Variants in AKAP6 observed in about 807,000 individuals in gnomAD.
AKAP6 encodes A-kinase anchoring protein 6.
A neutral mutation model predicts 188.5 loss-of-function variants in AKAP6; 58 were observed. That is an observed-to-expected ratio of 0.31 (90% CI 0.25 to 0.38). AKAP6 has a LOEUF of 0.38. Among genes scored for constraint, AKAP6 ranks in the 10% least tolerant of loss-of-function variants. The pLI is 1.00. For missense variants in AKAP6, 2,710 were observed against 2,740.0 expected (o/e 0.99, Z 0.24); for synonymous variants, 989 against 998.6 (o/e 0.99, Z 0.18).
chr14:32,422,778 C>CA (rs200198843), intron 1 of AKAP6, among the ~76,000 whole-genome samples: 6 of 152,144 alleles, frequency 3.9e-5, no homozygotes, highest in African/African-American at 1.4e-4. Flanking sequence ...TGGGAAATGC[C>CA]AGCTCCTGGG....
chr14:32,724,354 C>T lies in AKAP6; in HGVS notation c.3001-8100C>T, dbSNP rs183255080. ...TCAACAGGTATTCAGTAAAACTCTC[C>T]GTGCTTCTAAATGATTGCATCCATC... On this transcript the variant is annotated intron_variant, in intron 9 of 13. Coordinates refer to ENST00000280979, the MANE Select transcript of AKAP6 (RefSeq NM_004274.5). 5.5e-4 allele frequency among the ~76,000 whole-genome samples: 83 copies of T among 152,244 alleles called. 1 individual carries two copies. The Middle Eastern group carries it at 0.01, about 19-fold the overall frequency.
At chr14:32,785,899 TA>T (rs200367064) in intron 12 of AKAP6, among the ~76,000 whole-genome samples, 3 of 151,528 alleles carry the variant, frequency 2.0e-5, no homozygotes, top group East Asian at 1.9e-4. Flanking sequence ...GAATGTGATT[TA>T]AAAAAAAACT....
chr14:32,651,343 G>A (rs570060793), intron 7 of AKAP6, among the ~76,000 whole-genome samples: 30 of 152,130 alleles, frequency 2.0e-4, no homozygotes, highest in Non-Finnish European at 3.4e-4. Context: ...TTGTTTGACC[G>A]GCTCTTTGTC....
intron 7 of AKAP6, among the ~76,000 whole-genome samples, chr14:32,624,312 C>T (rs542743816): frequency 5.9e-5 from 9 of 152,102 alleles, no homozygotes; most frequent in Non-Finnish European, 8.8e-5. Flanking sequence ...TTTCTTAAAA[C>T]ATATGACATT....
chr14:32,636,362 G>T (rs191140185), intron 7 of AKAP6, among the ~76,000 whole-genome samples: 1 of 152,194 alleles, frequency 6.6e-6, no homozygotes, highest in East Asian at 1.9e-4. Context: ...ATTTCCTTAG[G>T]TGTATGATAG....
At chr14:32,349,693 G>A (rs565699402) in intron 1 of AKAP6, among the ~76,000 whole-genome samples, 2 of 152,124 alleles carry the variant, frequency 1.3e-5, no homozygotes, top group East Asian at 1.9e-4. Flanking sequence ...ACACTAACTC[G>A]AAGCTTCAAC....
At chr14:32,704,950 AAGGTACCT>A (rs1166835726) in intron 9 of AKAP6, among the ~76,000 whole-genome samples, 1 of 152,206 alleles carries the variant, frequency 6.6e-6, no homozygotes, top group Non-Finnish European at 1.5e-5. Flanking sequence ...GTGGGGCTAA[AAGGTACCT>A]AGGTAACGTT....
intron 13 of AKAP6, 99 bp downstream of exon 13, chr14:32,824,914 GCAGA>G (rs2034637441): frequency 2.2e-6 from 2 of 901,228 alleles, no homozygotes; most frequent in Non-Finnish European, 3.3e-6. Flanking sequence ...ACCAGTTACG[GCAGA>G]CAGTTATCTG....
rs144395387 is a variant in AKAP6 at position 32,433,577 on chromosome 14, C to A, written c.84C>A (p.Ile28=). The change falls in exon 2 of 14, where the codon ATC becomes ATA. Residue 28 remains isoleucine (I), a synonymous_variant. Coordinates refer to ENST00000280979, the MANE Select transcript of AKAP6 (RefSeq NM_004274.5). ...PMATDASPMA[I]NMTPTVEQGE... ...CTACTGATGCTTCACCCATGGCCAT[C>A]AACATGACACCCACTGTGGAGCAGG... The A allele has an allele frequency of 2.5e-6, 4 of 1,614,030 alleles. No homozygotes were observed. In the African/African-American group the frequency reaches 5.3e-5, roughly 22 times the overall value.
intron 5 of AKAP6, among the ~76,000 whole-genome samples, chr14:32,587,929 C>A (rs1413977483): frequency 6.6e-6 from 1 of 152,062 alleles, no homozygotes; most frequent in Non-Finnish European, 1.5e-5. Context: ...GGGCAAATGT[C>A]GTACAAGTAC....
At chr14:32,739,461 G>A (rs1369111149) in intron 11 of AKAP6, among the ~76,000 whole-genome samples, 2 of 151,702 alleles carry the variant, frequency 1.3e-5, no homozygotes, top group African/African-American at 4.8e-5. Flanking sequence ...TCAAATACTG[G>A]GTCTTATTCA....
intron 11 of AKAP6, among the ~76,000 whole-genome samples, chr14:32,755,679 C>T (rs906717786): frequency 3.9e-5 from 6 of 152,124 alleles, no homozygotes; most frequent in African/African-American, 1.4e-4. Context: ...AGGTGAATAC[C>T]ACCACACCCA....
chr14:32,492,369 G>T (rs1219278799), intron 2 of AKAP6, among the ~76,000 whole-genome samples: 8 of 115,742 alleles, frequency 6.9e-5, no homozygotes, highest in African/African-American at 1.6e-4. Context: ...GAGAGAGAGA[G>T]AGAGAGAGAG....
intron 7 of AKAP6, among the ~76,000 whole-genome samples, chr14:32,646,041 G>C (rs963199125): frequency 2.6e-5 from 4 of 151,986 alleles, no homozygotes; most frequent in African/African-American, 4.8e-5. Flanking sequence ...TGCACCACTG[G>C]AATCATCTTA....
chr14:32,636,899 T>C (rs1887516784), intron 7 of AKAP6, among the ~76,000 whole-genome samples: 1 of 151,956 alleles, frequency 6.6e-6, no homozygotes, highest in African/African-American at 2.4e-5. Flanking sequence ...CTGTGCAATT[T>C]AGAGGGGTCT....
At chr14:32,381,039 A>G (rs1033116782) in intron 1 of AKAP6, among the ~76,000 whole-genome samples, 2 of 152,196 alleles carry the variant, frequency 1.3e-5, no homozygotes, top group African/African-American at 4.8e-5. Context: ...AAAGATACGT[A>G]TTAATAGAAA....
At chr14:32,492,361 G>T (rs2383336) in intron 2 of AKAP6, among the ~76,000 whole-genome samples, 2,470 of 49,922 alleles carry the variant, frequency 0.049, 40 homozygotes, top group African/African-American at 0.061. Context: ...TATATAGAGA[G>T]AGAGAGAGAG....
At chr14:32,575,035 T>A (rs1884657037) in intron 4 of AKAP6, among the ~76,000 whole-genome samples, 1 of 152,142 alleles carries the variant, frequency 6.6e-6, no homozygotes, top group Non-Finnish European at 1.5e-5. Context: ...AATATTCTGA[T>A]CCCTAGGTAG....
chr14:32,806,891 T>G (rs17099541), intron 12 of AKAP6, among the ~76,000 whole-genome samples: 9,699 of 151,972 alleles, frequency 0.064, 387 homozygotes, highest in South Asian at 0.22. Context: ...CATTCATTAT[T>G]CAAAAAATAT....
Sources: gnomAD v4.1 joint callset for allele counts (sites outside exome capture counted in the v4.1 genomes callset) on GRCh38, gnomAD v4.1.1 for gene constraint, MANE v1.5 for transcripts, NCBI Gene and HGNC (gene_info 2026-07-23, HGNC 2026-07-21) for gene names.